The following MAF variants were observed in gnomAD, a reference collection of about 807,000 sequenced individuals.
MAF encodes MAF bZIP transcription factor, also known as transcription factor Maf.
A neutral mutation model predicts 22.0 loss-of-function variants in MAF; 10 were observed. That is an observed-to-expected ratio of 0.45 (90% CI 0.28 to 0.77). The LOEUF is 0.77. Ranked by LOEUF, MAF falls within the 30% of genes least tolerant of loss-of-function variation. The pLI, the probability that MAF is intolerant of heterozygous loss-of-function variation, is 0.12. For synonymous variants in MAF, 337 were observed against 255.8 expected, an observed-to-expected ratio of 1.32 and a Z score of -3.03; for missense variants, 544 against 548.4, an observed-to-expected ratio of 0.99 and a Z score of 0.08.
rs2143799134 is a variant in MAF at position 79,598,915 on chromosome 16, G to A, written c.988C>T (p.Leu330Phe). 6.2e-7 allele frequency: 1 copy of A among 1,613,730 alleles called. No individual in the cohort carries two copies. The highest frequency in any genetic ancestry group is 8.5e-7 in the Non-Finnish European group (1 of 1,179,956). The change falls in exon 1 of 2, where the codon CTC becomes TTC. Residue 330 changes from leucine to phenylalanine, a missense_variant. Coordinates refer to ENST00000326043, the MANE Select transcript of MAF (RefSeq NM_005360.5). ...ACCAGCCTGGAGATCTCCTGCTTGA[G>A]GTGGTCGACTTGCTGCAGCAGCTGG... ...KNQLLQQVDH[L>F]KQEISRLVRE...
At chr16:79,338,708 G>A in the MAF span, among the ~76,000 whole-genome samples, 1 of 152,212 alleles carries the variant, frequency 6.6e-6, no homozygotes, top group East Asian at 1.9e-4. Flanking sequence ...GAAGATACAG[G>A]CTTTATAATC....
At chr16:79,416,674 C>T in the MAF span, among the ~76,000 whole-genome samples, 190 of 152,198 alleles carry the variant, frequency 1.2e-3, no homozygotes, top group African/African-American at 4.2e-3. Context: ...CGCGGTGCTC[C>T]GAATGGTCAG....
At chr16:79,373,954 GA>G in the MAF span, among the ~76,000 whole-genome samples, 138 of 152,332 alleles carry the variant, frequency 9.1e-4, no homozygotes, top group African/African-American at 3.1e-3. Context: ...GTAAGTCCAA[GA>G]AAATTGTCCA....
At chr16:79,333,670 C>T in the MAF span, among the ~76,000 whole-genome samples, 6 of 152,216 alleles carry the variant, frequency 3.9e-5, no homozygotes, top group African/African-American at 1.2e-4. Context: ...GACAATCTAA[C>T]GCTGGATCCC....
the MAF span, among the ~76,000 whole-genome samples, chr16:79,324,270 T>C: frequency 6.6e-6 from 1 of 152,128 alleles, no homozygotes; most frequent in Non-Finnish European, 1.5e-5. Flanking sequence ...ACAGAACCTG[T>C]TGGTATTACA....
At chr16:79,225,714 C>T in the MAF span, among the ~76,000 whole-genome samples, 3 of 152,112 alleles carry the variant, frequency 2.0e-5, no homozygotes, top group African/African-American at 7.2e-5. Flanking sequence ...AAAAAGTGGG[C>T]AAAGGATATA....
At chr16:79,349,700 C>T in the MAF span, among the ~76,000 whole-genome samples, 8 of 152,278 alleles carry the variant, frequency 5.3e-5, no homozygotes, top group East Asian at 1.4e-3. Context: ...TGATGTTTGG[C>T]TTCAGTTTAA....
the MAF span, among the ~76,000 whole-genome samples, chr16:79,259,748 T>C: frequency 6.6e-6 from 1 of 151,946 alleles, no homozygotes; most frequent in East Asian, 1.9e-4. Flanking sequence ...GAGAGTCCAG[T>C]GGTGGGGACA....
At chr16:79,452,128 A>G in the MAF span, among the ~76,000 whole-genome samples, 1 of 152,226 alleles carries the variant, frequency 6.6e-6, no homozygotes, top group African/African-American at 2.4e-5. Context: ...AGAGACTGCA[A>G]TAGAGACAGT....
the MAF span, among the ~76,000 whole-genome samples, chr16:79,337,358 T>C: frequency 6.6e-6 from 1 of 152,012 alleles, no homozygotes; most frequent in South Asian, 2.1e-4. Flanking sequence ...GATCACCAGG[T>C]CTGGAGTTCC....
At chr16:79,211,282 GAAGGA>G in the MAF span, among the ~76,000 whole-genome samples, 3 of 152,186 alleles carry the variant, frequency 2.0e-5, no homozygotes, top group Non-Finnish European at 4.4e-5. Context: ...TGCACGTTCA[GAAGGA>G]TACCATCTTT....
chr16:79,400,996 G>A, the MAF span, among the ~76,000 whole-genome samples: 53 of 152,284 alleles, frequency 3.5e-4, no homozygotes, highest in Middle Eastern at 3.4e-3. Context: ...CAGCCCTGGG[G>A]CCACAGACTC....
chr16:79,205,467 G>A, the MAF span: 2 of 152,186 alleles, frequency 1.3e-5, no homozygotes, highest in African/African-American at 4.8e-5. Context: ...TAATTTGTTA[G>A]GGAGGGCATG....
chr16:79,543,106 T>G, the MAF span, among the ~76,000 whole-genome samples: 1 of 152,208 alleles, frequency 6.6e-6, no homozygotes, highest in Non-Finnish European at 1.5e-5. Context: ...GTTTTGCATT[T>G]CACTAGACAA....
At chr16:79,296,119 C>A in the MAF span, among the ~76,000 whole-genome samples, 1 of 152,160 alleles carries the variant, frequency 6.6e-6, no homozygotes, top group African/African-American at 2.4e-5. Flanking sequence ...TCTTTCTTAG[C>A]CTTATCTGTA....
the MAF span, among the ~76,000 whole-genome samples, chr16:79,249,148 G>A: frequency 2.8e-4 from 43 of 152,220 alleles, no homozygotes; most frequent in South Asian, 8.1e-3. Flanking sequence ...GGCCGGGTGC[G>A]GTGGCTCACG....
chr16:79,441,446 T>C, the MAF span, among the ~76,000 whole-genome samples: 1 of 152,196 alleles, frequency 6.6e-6, no homozygotes, highest in Non-Finnish European at 1.5e-5. Flanking sequence ...AGGCAACCAC[T>C]CAGCTCTGCT....
At chr16:79,512,292 G>C in the MAF span, among the ~76,000 whole-genome samples, 3,082 of 152,226 alleles carry the variant, frequency 0.02, 94 homozygotes, top group African/African-American at 0.066. Flanking sequence ...TTTCTCAGTC[G>C]TTTCTCCACG....
the MAF span, among the ~76,000 whole-genome samples, chr16:79,513,870 C>T: frequency 6.6e-6 from 1 of 152,200 alleles, no homozygotes; most frequent in Non-Finnish European, 1.5e-5. Flanking sequence ...GCAAACTTTC[C>T]TGGATGTGAA....
Sources: allele counts gnomAD v4.1 joint callset (sites outside exome capture counted in the v4.1 genomes callset), GRCh38; gene constraint gnomAD v4.1.1; transcripts MANE v1.5; gene names NCBI Gene and HGNC (gene_info 2026-07-23, HGNC 2026-07-21).